The following MSH6 variants were observed in gnomAD, a reference collection of about 807,000 sequenced individuals.
MSH6 encodes DNA mismatch repair protein Msh6.
Under a neutral mutation model 119.1 loss-of-function variants are expected in MSH6, and 85 were observed. That is an observed-to-expected ratio of 0.71 (90% CI 0.60 to 0.85). The LOEUF is 0.85. Among genes scored for constraint, MSH6 ranks in the 40% least tolerant of loss-of-function variants. The pLI is 0.00. For synonymous variants in MSH6, 830 were observed against 586.9 expected (o/e 1.41, Z -5.99); for missense variants, 2,163 against 1,655.3 (o/e 1.31, Z -5.32).
rs59056100 is a variant in MSH6, at chr2:47,806,751, CTTTTTTT to C, written c.4002-16_4002-10del. 6 of 1,444,646 alleles carry C rather than the reference CTTTTTTT, an allele frequency of 4.2e-6. No homozygotes were observed. Among genetic ancestry groups the C allele is most frequent in the African/African-American group, 3.0e-5 (2 of 66,074 alleles). 89.5% of individuals were successfully genotyped at this position (1,444,646 alleles called of 1,614,324 possible). A position where few individuals can be genotyped will look rare whatever the true frequency, so the allele number is the denominator to read the frequency against. ...GATGCACTATGAAAAAACAAAAAAA[CTTTTTTT>C]TTTTTTTTTTTAATTTTAAGGGAAG... On this transcript the variant is annotated intron_variant, in intron 9 of 9. Transcript: ENST00000234420.
At chr2:47,807,155 A>ATACTTGTCTCAGCT (rs1260404651), downstream of MSH6, 6 of 326,394 alleles carry the variant, frequency 1.8e-5, no homozygotes, top group Admixed American at 2.7e-4. Context: ...GGCTGTATAT[A>ATACTTGTCTCAGCT]TACTTGTCTC....
intron 3 of MSH6, among the ~76,000 whole-genome samples, 160 bp downstream of exon 3, chr2:47,796,223 A>G (rs1430726873): frequency 6.6e-6 from 1 of 152,190 alleles, no homozygotes; most frequent in African/African-American, 2.4e-5. Flanking sequence ...GGACTGTAGG[A>G]TAAGTTAGGT....
chr2:47,796,230 A>G (rs1669082384), intron 3 of MSH6, among the ~76,000 whole-genome samples, 167 bp downstream of exon 3: 1 of 152,226 alleles, frequency 6.6e-6, no homozygotes, highest in African/African-American at 2.4e-5. Context: ...AGGATAAGTT[A>G]GGTTACTTAG....
chr2:47,798,212 C>CT, intron 3 of MSH6: 1 of 176,332 alleles, frequency 5.7e-6, no homozygotes, highest in Non-Finnish European at 1.2e-5. Flanking sequence ...GAGGTGGGTT[C>CT]TTTTTTTGGC....
chr2:47,791,885 G>T (rs1668751915), intron 2 of MSH6, among the ~76,000 whole-genome samples: 2 of 149,192 alleles, frequency 1.3e-5, no homozygotes, highest in African/African-American at 2.5e-5. Flanking sequence ...TTGCTCTTTT[G>T]GCCCAGGCTG....
At chr2:47,783,736 G>T (rs955948220) in intron 1 of MSH6, 3 of 486,880 alleles carry the variant, frequency 6.2e-6, no homozygotes, top group African/African-American at 6.0e-5. Flanking sequence ...GGGGAGACGC[G>T]GAGAGTTCGG....
At chr2:47,798,520 T>A (rs1343589593) in intron 3 of MSH6, 91 bp from the exon 4 acceptor site, 1 of 1,412,588 alleles carries the variant, frequency 7.1e-7, no homozygotes, top group Non-Finnish European at 9.8e-7. Context: ...CGGGTACCAT[T>A]ATAAAGTCAA....
At chr2:47,805,510 CTTTT>C in intron 6 of MSH6, 104 bp from the exon 7 acceptor site, 1 of 825,672 alleles carries the variant, frequency 1.2e-6, no homozygotes, top group East Asian at 2.5e-5. Flanking sequence ...GAGATTTAAT[CTTTT>C]ATACCAATAT....
At chr2:47,804,790 ATG>A (rs1558388929) in intron 5 of MSH6, 118 bp from the exon 6 acceptor site, 16 of 794,984 alleles carry the variant, frequency 2.0e-5, no homozygotes, top group South Asian at 1.5e-4. Context: ...ACCAACGTAC[ATG>A]TGATTGTGAA....
At chr2:47,804,874 C>T (rs1669861417) in intron 5 of MSH6, 36 bp from the exon 6 acceptor site, 2 of 1,462,976 alleles carry the variant, frequency 1.4e-6, no homozygotes, top group Non-Finnish European at 1.9e-6. Flanking sequence ...ACTGTTACTA[C>T]CAGTCATAAA....
chr2:47,794,358 G>T (rs1668941570), intron 2 of MSH6, among the ~76,000 whole-genome samples: 2 of 151,956 alleles, frequency 1.3e-5, no homozygotes, highest in African/African-American at 4.8e-5. Flanking sequence ...TGCAATCTCT[G>T]TCTCCGGGGT....
intron 1 of MSH6, among the ~76,000 whole-genome samples, chr2:47,788,241 T>C (rs1309306453): frequency 2.9e-5 from 4 of 138,730 alleles, no homozygotes; most frequent in Admixed American, 7.4e-5. Context: ...TTTCATTCTT[T>C]CTTTCTTTTT....
In MSH6 at chr2:47,795,944, C is replaced by T. The variant is rs878853748; in HGVS notation, c.508C>T (p.Pro170Ser). The change falls in exon 3 of 10, where the codon CCT (proline) becomes TCT (serine). Residue 170 changes from proline to serine, a missense_variant. Pro to Ser is a moderately conservative substitution (Grantham distance 74, BLOSUM62 -1). Transcript: ENST00000234420. ...GGGAGGTCATTTTTACAGTGCAAAG[C>T]CTGAAATACTGAGAGCAATGCAACG... is the stretch of plus-strand genomic sequence containing the variant. ...QKGGHFYSAK[P>S]EILRAMQRAD... The T allele has an allele frequency of 6.2e-7, 1 of 1,614,030 alleles. No homozygotes were observed.
chr2:47,784,043 C>T, intron 1 of MSH6: 1 of 1,016,276 alleles, frequency 9.8e-7, no homozygotes, highest in Non-Finnish European at 1.2e-6. Flanking sequence ...GAGGTAGACA[C>T]TTAGAGGTAG....
At position 47,799,032 on chromosome 2, in the gene MSH6, C is replaced by T. The variant is rs587782331; in HGVS notation, c.1049C>T (p.Ala350Val). ...FSAPQNSESQ[A>V]HVSGGGDDSS... ...GCCCCTCAAAATTCTGAATCCCAAG[C>T]CCACGTTAGTGGAGGTGGTGATGAC... Residue 350 changes from alanine to valine, a missense_variant, in exon 4 of 10, where the codon GCC (alanine) becomes GTC (valine). Physicochemically the swap from Ala to Val is moderately conservative, Grantham distance 64. Coordinates refer to ENST00000234420, the MANE Select transcript of MSH6 (RefSeq NM_000179.3). 68 of 1,614,060 alleles carry T rather than the reference C, an allele frequency of 4.2e-5. No individual in the cohort carries two copies. The Admixed American group carries it at 1.0e-3, about 25-fold the overall frequency.
At chr2:47,798,096 T>G (rs1490166985) in intron 3 of MSH6, 4 of 195,988 alleles carry the variant, frequency 2.0e-5, no homozygotes, top group Admixed American at 4.9e-5. Context: ...TCCAGAGATT[T>G]TTTTTCCACC....
At chr2:47,797,129 C>T (rs1669145501) in intron 3 of MSH6, among the ~76,000 whole-genome samples, 1 of 152,204 alleles carries the variant, frequency 6.6e-6, no homozygotes, top group Non-Finnish European at 1.5e-5. Flanking sequence ...TTGTTTAGCT[C>T]ATCAGCTATC....
At position 47,806,110 on chromosome 2, in the gene MSH6, C is replaced by T. The variant is rs570629105; in HGVS notation, c.3647-94C>T. On this transcript the variant is annotated intron_variant, in intron 7 of 9. Coordinates refer to ENST00000234420, the MANE Select transcript of MSH6 (RefSeq NM_000179.3). ...TGCTTTTAGACGTGGATGTACTAAC[C>T]GATGTTGCTTTTCTGTCCTAGCATT... The T allele has an allele frequency of 7.0e-5, 85 of 1,212,000 alleles. No homozygotes were observed. In the African/African-American group the frequency reaches 9.5e-4, roughly 13 times the overall value. 75.1% of individuals were successfully genotyped at this position (1,212,000 alleles called of 1,614,324 possible).
rs199687113 is a variant in MSH6, at chr2:47,806,699, C to CAA, written c.4001+50_4001+51dup. On this transcript the variant is annotated intron_variant, in intron 9 of 9. Coordinates refer to ENST00000234420, the MANE Select transcript of MSH6 (RefSeq NM_000179.3). The stretch of plus-strand genomic sequence containing the variant: ...ATTATAACTAACTGACCTTAAGTTT[C>CAA]AAAGAAACAGTAAAAGGGGAAGGGA... 4,487 of 1,571,488 alleles carry CAA rather than the reference C, an allele frequency of 2.9e-3. 92 individuals are homozygous for CAA. The African/African-American group carries it at 0.046, about 16-fold the overall frequency.
Sources: allele counts gnomAD v4.1 joint callset (sites outside exome capture counted in the v4.1 genomes callset), GRCh38; gene constraint gnomAD v4.1.1; transcripts MANE v1.5; gene names NCBI Gene and HGNC (gene_info 2026-07-23, HGNC 2026-07-21).